Variants in GASK1A observed in about 807,000 individuals in gnomAD.
GASK1A encodes golgi associated kinase 1A.
In GASK1A, 40 loss-of-function variants were observed where a neutral mutation model predicts 41.2. The observed-to-expected ratio is 0.97, with a 90% confidence interval of 0.75 to 1.27. The LOEUF (loss-of-function observed/expected upper bound fraction) is 1.27. Ranked by LOEUF, GASK1A falls within the 50% of genes most tolerant of loss-of-function variation. The probability of loss-of-function intolerance (pLI) is 0.00; values close to 1 mark genes in which losing one functional copy is unlikely to be tolerated. For synonymous variants in GASK1A, 316 were observed against 307.1 expected (o/e 1.03, Z -0.30); for missense variants, 678 against 745.1 (o/e 0.91, Z 1.05).
intron 1 of GASK1A, among the ~76,000 whole-genome samples, chr3:42,999,408 A>G (rs920851926): frequency 1.3e-5 from 2 of 152,172 alleles, no homozygotes; most frequent in African/African-American, 4.8e-5. Flanking sequence ...TCCTGGGTCT[A>G]GCTGTCAACC....
chr3:42,982,096 G>A (rs900472810), intron 1 of GASK1A, among the ~76,000 whole-genome samples: 7 of 152,128 alleles, frequency 4.6e-5, no homozygotes, highest in Admixed American at 6.5e-5. Flanking sequence ...CAGTATCTGC[G>A]GGGGCATTTT....
At chr3:42,991,991 C>T (rs1159164250) in intron 1 of GASK1A, among the ~76,000 whole-genome samples, 1 of 151,090 alleles carries the variant, frequency 6.6e-6, no homozygotes, top group African/African-American at 2.4e-5. Context: ...TTCTGGCCCC[C>T]CACCCCCACC....
rs78730272 is a variant in GASK1A at position 43,008,437 on chromosome 3, C to T, written c.4-23830C>T. Reference sequence around the variant, plus strand: ...CTGGCTGGAAGGAGCTCTATGCCCACGGTTGTCAGGAAATGCCTCATGAGC... The same window carrying T: ...CTGGCTGGAAGGAGCTCTATGCCCATGGTTGTCAGGAAATGCCTCATGAGC... On this transcript the variant is annotated intron_variant, in intron 1 of 4. Transcript: ENST00000430121. 1.3e-3 allele frequency among the ~76,000 whole-genome samples: 202 copies of T among 152,336 alleles called. 4 individuals carry two copies. In the East Asian group the frequency reaches 0.031, roughly 23 times the overall value.
intron 1 of GASK1A, among the ~76,000 whole-genome samples, chr3:42,985,455 C>A (rs138966190): frequency 2.7e-3 from 406 of 152,010 alleles, no homozygotes; most frequent in African/African-American, 9.3e-3. Flanking sequence ...CTGCTTTAAG[C>A]CAGACATTGT....
Position 43,056,190 on chromosome 3 carries a change from C to T in GASK1A, c.1532C>T (p.Ala511Val). 1 of 1,550,956 alleles carries T rather than the reference C, an allele frequency of 6.4e-7. No individual in the cohort carries two copies. Among genetic ancestry groups the T allele is most frequent in the Non-Finnish European group, 8.7e-7 (1 of 1,146,430 alleles). ...CTTTGCTCCAGGTTTCCTGAGTCTG[C>T]CGTGAAGGTTCTCGCATCAGGGTGT... ...LEGIDGFPES[A>V]VKVLASGCLQ... Residue 511 changes from alanine (A) to valine (V), a missense_variant, in exon 5 of 5, where the codon GCC becomes GTC. Coordinates refer to ENST00000430121, the MANE Select transcript of GASK1A (RefSeq NM_001129908.3).
chr3:43,010,683 C>G (rs961569255), intron 1 of GASK1A, among the ~76,000 whole-genome samples: 6 of 152,194 alleles, frequency 3.9e-5, no homozygotes, highest in Non-Finnish European at 8.8e-5. Flanking sequence ...CACTTCCTCC[C>G]CACACCCATC....
At position 43,040,880 on chromosome 3, in the gene GASK1A, C is replaced by CCT. The variant is rs1553615990; in HGVS notation, c.1290+7328_1290+7329insTC. Among the ~76,000 whole-genome samples the CCT allele has an allele frequency of 4.0e-5, 5 of 124,466 alleles. 1 individual carries two copies. The highest frequency in any genetic ancestry group is 5.3e-5 in the African/African-American group (2 of 37,700). 81.7% of individuals were successfully genotyped at this position (124,466 alleles called of 152,430 possible). A position where few individuals can be genotyped will look rare whatever the true frequency, so the allele number is the denominator to read the frequency against. On this transcript the variant is annotated intron_variant, in intron 2 of 4. Transcript: ENST00000430121. ...TATATCTCCCAATGCTATCCCTCCC[C>CCT]CCCGCCACAACAGTCCGCAGAGTGT...
rs1181814487 is a variant in GASK1A, at chr3:43,053,519, A to C, written c.1291-2A>C. 2.6e-6 allele frequency: 4 copies of C among 1,539,734 alleles called. No individual in the cohort carries two copies. Among genetic ancestry groups the C allele is most frequent in the Non-Finnish European group, 2.6e-6 (3 of 1,139,044 alleles). On this transcript the variant is annotated splice_acceptor_variant, in intron 2 of 4. Transcript: ENST00000430121. LOFTEE classifies it high-confidence loss of function. Reference sequence around the variant, plus strand: ...CCCACCGAAGGCTGGGTGTCTCCACAGGTCCACGACCGCTTGGATCGCTAC... The same window carrying C: ...CCCACCGAAGGCTGGGTGTCTCCACCGGTCCACGACCGCTTGGATCGCTAC...
rs543891318 is a variant in GASK1A, at chr3:43,011,698, G to A, written c.4-20569G>A. ...GAAATTATGTGAAGTCACAGGAAGG[G>A]GCTGTGTGGAGCCAGAGAAAGGGGC... On this transcript the variant is annotated intron_variant, in intron 1 of 4. Transcript: ENST00000430121. Among the ~76,000 whole-genome samples, 3 of 152,242 alleles carry A rather than the reference G, an allele frequency of 2.0e-5. No homozygotes were observed. The South Asian group carries it at 6.2e-4, about 32-fold the overall frequency.
At chr3:43,007,400 T>C (rs983620773) in intron 1 of GASK1A, among the ~76,000 whole-genome samples, 1 of 152,212 alleles carries the variant, frequency 6.6e-6, no homozygotes, top group African/African-American at 2.4e-5. Context: ...GAACAAACTT[T>C]CAGTCTTCTG....
At chr3:43,005,137 C>T (rs751099894) in intron 1 of GASK1A, among the ~76,000 whole-genome samples, 3 of 152,184 alleles carry the variant, frequency 2.0e-5, no homozygotes, top group Admixed American at 6.5e-5. Flanking sequence ...GTGATTACAT[C>T]GGGCCCATCA....
At chr3:43,047,434 C>G (rs549385049) in intron 2 of GASK1A, among the ~76,000 whole-genome samples, 38 of 152,224 alleles carry the variant, frequency 2.5e-4, no homozygotes, top group Non-Finnish European at 4.9e-4. Flanking sequence ...GGGGACCCAG[C>G]CATTCTCTCT....
intron 3 of GASK1A, among the ~76,000 whole-genome samples, chr3:43,054,982 C>A (rs1294776515): frequency 6.6e-6 from 1 of 152,154 alleles, no homozygotes. Flanking sequence ...CCCCGAGGAG[C>A]AGGCTACCTT....
intron 1 of GASK1A, among the ~76,000 whole-genome samples, chr3:43,019,789 C>CACACACACACAT (rs1491184530): frequency 6.7e-6 from 1 of 150,362 alleles, no homozygotes. Context: ...CACACACACA[C>CACACACACACAT]CCCATCACAT....
At chr3:43,024,145 G>C (rs1374737158) in intron 1 of GASK1A, among the ~76,000 whole-genome samples, 1 of 152,192 alleles carries the variant, frequency 6.6e-6, no homozygotes, top group Non-Finnish European at 1.5e-5. Context: ...CTTAAGAAGA[G>C]AGAGTAATCA....
intron 1 of GASK1A, among the ~76,000 whole-genome samples, chr3:42,994,039 G>A (rs1209479962): frequency 6.6e-6 from 1 of 152,206 alleles, no homozygotes; most frequent in African/African-American, 2.4e-5. Context: ...TAAATATGAA[G>A]GACTCCCAGG....
Position 43,056,180 on chromosome 3 carries a change from C to T in GASK1A, c.1522C>T (p.Pro508Ser). The T allele has an allele frequency of 6.5e-7, 1 of 1,549,592 alleles. No individual in the cohort carries two copies. Among genetic ancestry groups the T allele is most frequent in the South Asian group, 1.2e-5 (1 of 83,934 alleles). Residue 508 changes from proline to serine, a missense_variant, in exon 5 of 5, where the codon CCT (proline) becomes TCT (serine). Pro to Ser is a moderately conservative substitution (Grantham distance 74). Coordinates refer to ENST00000430121, the MANE Select transcript of GASK1A (RefSeq NM_001129908.3). ...FRLLEGIDGF[P>S]ESAVKVLASG... ...GCTCTGGGGCCTTTGCTCCAGGTTT[C>T]CTGAGTCTGCCGTGAAGGTTCTCGC...
Position 43,032,961 on chromosome 3 carries a change from T to C in GASK1A, c.698T>C (p.Val233Ala). 1.3e-6 allele frequency: 2 copies of C among 1,550,902 alleles called. No homozygotes were observed. Among genetic ancestry groups the C allele is most frequent in the South Asian group, 2.4e-5 (2 of 84,028 alleles). ...GGAGCTCATCAGTGGCCTGGCTCTG[T>C]TGAGAAGCTGCAAGGGTCAGTATGG... ...ASGAHQWPGS[V>A]EKLQGSVWCD... The change falls in exon 2 of 5, where the codon GTT becomes GCT. Residue 233 changes from valine to alanine, a missense_variant. Val to Ala is a moderately conservative substitution (Grantham distance 64, BLOSUM62 0). Coordinates refer to ENST00000430121, the MANE Select transcript of GASK1A (RefSeq NM_001129908.3).
chr3:42,981,149 T>C (rs1302079591), intron 1 of GASK1A, among the ~76,000 whole-genome samples: 1 of 150,982 alleles, frequency 6.6e-6, no homozygotes, highest in African/African-American at 2.5e-5. Context: ...TTCACGTCCC[T>C]GGCTCTGGGT....
Sources: gnomAD v4.1 joint callset for allele counts (sites outside exome capture counted in the v4.1 genomes callset) on GRCh38, gnomAD v4.1.1 for gene constraint, MANE v1.5 for transcripts, NCBI Gene and HGNC (gene_info 2026-07-23, HGNC 2026-07-21) for gene names.